The following SMAP2 variants were observed in gnomAD, a reference collection of about 807,000 sequenced individuals.
SMAP2 encodes stromal membrane-associated protein 2.
Under a neutral mutation model 56.4 loss-of-function variants are expected in SMAP2, and 25 were observed. That is an observed-to-expected ratio of 0.44 (90% CI 0.32 to 0.62). The LOEUF (loss-of-function observed/expected upper bound fraction) is 0.62. Among genes scored for constraint, SMAP2 ranks in the 20% least tolerant of loss-of-function variants. The pLI, the probability that SMAP2 is intolerant of heterozygous loss-of-function variation, is 0.04. For missense variants in SMAP2, 388 were observed against 545.6 expected, an observed-to-expected ratio of 0.71 and a Z score of 2.88; for synonymous variants, 157 against 181.7, an observed-to-expected ratio of 0.86 and a Z score of 1.09.
chr1:40,348,500 G>A (rs1171570814), intron 1 of SMAP2, among the ~76,000 whole-genome samples: 2 of 152,052 alleles, frequency 1.3e-5, no homozygotes, highest in African/African-American at 4.8e-5. Context: ...TTTGAGACCA[G>A]CCTGGCCAAC....
chr1:40,409,880 CT>C (rs1644918667), intron 4 of SMAP2, 45 bp downstream of exon 4: 2 of 1,238,722 alleles, frequency 1.6e-6, no homozygotes, highest in African/African-American at 3.0e-5. Context: ...AAGTAATGTG[CT>C]TATTAAATCA....
At chr1:40,379,841 C>G (rs569917213) in intron 1 of SMAP2, among the ~76,000 whole-genome samples, 1 of 152,122 alleles carries the variant, frequency 6.6e-6, no homozygotes. Context: ...AGACACTGCT[C>G]TCTTTGAAGG....
intron 1 of SMAP2, among the ~76,000 whole-genome samples, chr1:40,352,025 A>AC (rs1644411229): frequency 1.9e-4 from 29 of 151,780 alleles, no homozygotes; most frequent in Admixed American, 1.9e-3. Flanking sequence ...ACATCCATGA[A>AC]TTTTTTTTTC....
intron 2 of SMAP2, among the ~76,000 whole-genome samples, chr1:40,407,087 G>A (rs1410553732): frequency 6.6e-6 from 1 of 152,140 alleles, no homozygotes; most frequent in Non-Finnish European, 1.5e-5. Context: ...AACAGAAATA[G>A]TCTACGGTCT....
At chr1:40,366,034 C>T (rs1162830771) in intron 2 of SMAP2, among the ~76,000 whole-genome samples, 1 of 147,272 alleles carries the variant, frequency 6.8e-6, no homozygotes, top group African/African-American at 2.5e-5. Flanking sequence ...AAAACCAAGG[C>T]TCGAGAACTA....
intron 3 of SMAP2, 65 bp from the exon 4 acceptor site, chr1:40,409,692 T>C (rs900281447): frequency 2.6e-6 from 3 of 1,134,288 alleles, no homozygotes; most frequent in Admixed American, 1.7e-5. Flanking sequence ...TGGAACACAA[T>C]TGATCTTTTA....
At chr1:40,382,207 CAT>C (rs1191934500) in intron 1 of SMAP2, among the ~76,000 whole-genome samples, 2 of 152,182 alleles carry the variant, frequency 1.3e-5, no homozygotes, top group African/African-American at 2.4e-5. Context: ...CTGTTCATCA[CAT>C]GAGTCATTGT....
intron 1 of SMAP2, among the ~76,000 whole-genome samples, chr1:40,359,515 G>A (rs1215588868): frequency 6.6e-6 from 1 of 152,132 alleles, no homozygotes; most frequent in Non-Finnish European, 1.5e-5. Flanking sequence ...TTTACATTCA[G>A]TGTTATTATT....
chr1:40,393,316 C>T (rs955659049), intron 1 of SMAP2: 7 of 1,519,984 alleles, frequency 4.6e-6, no homozygotes, highest in Non-Finnish European at 6.1e-6. Flanking sequence ...CTTAGAAGAA[C>T]AAACAAAAAA....
Position 40,415,317 on chromosome 1 carries a change from C to T in SMAP2, c.617C>T (p.Thr206Ile), listed in dbSNP as rs765205851. 5 of 1,613,982 alleles carry T rather than the reference C, an allele frequency of 3.1e-6. No homozygotes were observed. The East Asian group carries it at 6.7e-5, about 22-fold the overall frequency. The change falls in exon 7 of 10, where the codon ACC (threonine) becomes ATC (isoleucine). Residue 206 changes from threonine (T) to isoleucine (I), a missense_variant. Physicochemically the swap from Thr to Ile is moderately conservative, Grantham distance 89. Transcript: ENST00000372718. The part of the protein sequence containing the change: ...CSIANSKTSN[T>I]LEKDLDLLAS... ...ATTGCAAATAGTAAGACCAGCAATA[C>T]CCTAGAGAAGGATTTAGATCTGTTG... is the stretch of plus-strand genomic sequence containing the variant.
intron 1 of SMAP2, among the ~76,000 whole-genome samples, chr1:40,347,240 G>GTGGTTTTTT (rs58284805): frequency 1.1e-5 from 1 of 88,386 alleles, no homozygotes; most frequent in African/African-American, 4.0e-5. Flanking sequence ...GTGTGTGTGT[G>GTGGTTTTTT]TTTTGTTTTT....
At chr1:40,350,962 G>A (rs1028195936) in intron 1 of SMAP2, among the ~76,000 whole-genome samples, 2 of 152,286 alleles carry the variant, frequency 1.3e-5, no homozygotes, top group Non-Finnish European at 2.9e-5. Context: ...ATAATTGTAA[G>A]CCTCCAGAGT....
rs373266000 is a variant in SMAP2 at position 40,366,201 on chromosome 1, G to A, written c.55+3765G>A. ...AAGCCTCCAAGAAATATGGGACTATGTGAAAAGACCAAATCTACATCTGAT... is the reference window on the plus strand; with the variant it reads ...AAGCCTCCAAGAAATATGGGACTATATGAAAAGACCAAATCTACATCTGAT... On this transcript the variant is annotated intron_variant, in intron 2 of 6. Coordinates refer to the SMAP2 transcript ENST00000435168. Among the ~76,000 whole-genome samples the A allele has an allele frequency of 9.9e-5, 15 of 151,926 alleles. No individual in the cohort carries two copies. The East Asian group carries it at 1.9e-3, about 20-fold the overall frequency.
At chr1:40,398,753 C>A (rs1056987968) in intron 1 of SMAP2, among the ~76,000 whole-genome samples, 1 of 152,072 alleles carries the variant, frequency 6.6e-6, no homozygotes, top group African/African-American at 2.4e-5. Context: ...ATCCTCCAAC[C>A]TCAGCCTCCT....
chr1:40,393,363 C>T (rs1416305780), intron 1 of SMAP2: 3 of 1,534,810 alleles, frequency 2.0e-6, no homozygotes, highest in African/African-American at 1.4e-5. Context: ...GTGAGTGCAG[C>T]AGGAGAGGCA....
chr1:40,358,527 G>A (rs563347611), intron 1 of SMAP2, among the ~76,000 whole-genome samples: 1 of 152,284 alleles, frequency 6.6e-6, no homozygotes, highest in South Asian at 2.1e-4. Context: ...CTGGGCGACA[G>A]AGCAAGATTC....
intron 1 of SMAP2, among the ~76,000 whole-genome samples, chr1:40,402,518 C>T (rs540475915): frequency 4.0e-5 from 6 of 150,798 alleles, no homozygotes; most frequent in South Asian, 2.1e-4. Flanking sequence ...GGTGTGATCT[C>T]GGCTCATTGC....
rs370625950 is a variant in SMAP2, at chr1:40,380,529, C to CTTTTTTTTTTTTTT, written c.103+6317_103+6318insTTTTTTTTTTTTTT. Among the ~76,000 whole-genome samples the CTTTTTTTTTTTTTT allele has an allele frequency of 2.1e-5, 3 of 142,878 alleles. 1 individual carries two copies. The highest frequency in any genetic ancestry group is 5.3e-5 in the African/African-American group (2 of 37,900). The allele number at this position is 142,878 out of a possible 152,430, so 93.7% of individuals were successfully genotyped here. A position where few individuals can be genotyped will look rare whatever the true frequency, so the allele number is the denominator to read the frequency against. Reference sequence around the variant, plus strand: ...AATTATTTTAGCTGTATCTGTGGCACTTTTTTTTTTTCTCTTTTGAGATGG... The same window carrying CTTTTTTTTTTTTTT: ...AATTATTTTAGCTGTATCTGTGGCACTTTTTTTTTTTTTTTTTTTTTTTTTCTCTTTTGAGATGG... On this transcript the variant is annotated intron_variant, in intron 1 of 9. Transcript: ENST00000372718.
rs139567562 is a variant in SMAP2, at chr1:40,353,970, T to G, written c.-82-8330T>G. Among the ~76,000 whole-genome samples, 975 of 152,126 alleles carry G rather than the reference T, an allele frequency of 6.4e-3. 11 individuals carry two copies. Among genetic ancestry groups the G allele is most frequent in the African/African-American group, 0.023 (942 of 41,494 alleles). On this transcript the variant is annotated intron_variant, in intron 1 of 6. Coordinates refer to the SMAP2 transcript ENST00000435168. ...ACCACACTTTGAGAACCATTAAACA[T>G]CAGGATAAAAATACAATAGGTTGAG...
Sources: gnomAD v4.1 joint callset for allele counts (sites outside exome capture counted in the v4.1 genomes callset) on GRCh38, gnomAD v4.1.1 for gene constraint, MANE v1.5 for transcripts, NCBI Gene and HGNC (gene_info 2026-07-23, HGNC 2026-07-21) for gene names.